Variants in MROH7 observed in about 807,000 individuals in gnomAD.
MROH7 encodes maestro heat like repeat family member 7.
MROH7 carries 113 observed loss-of-function variants against 129.2 expected under a neutral mutation model. The ratio of observed to expected loss-of-function variants is 0.87; its 90% CI spans 0.75 to 1.02. MROH7 has a LOEUF of 1.02. Ranked by LOEUF, MROH7 falls within the 50% of genes least tolerant of loss-of-function variation. MROH7 has a pLI of 0.00. For missense variants in MROH7, 1,601 were observed against 1,671.3 expected, an observed-to-expected ratio of 0.96 and a Z score of 0.73; for synonymous variants, 655 against 667.9, an observed-to-expected ratio of 0.98 and a Z score of 0.30.
intron 1 of MROH7, among the ~76,000 whole-genome samples, chr1:54,646,459 C>G (rs1644469001): frequency 6.6e-6 from 1 of 152,228 alleles, no homozygotes; most frequent in South Asian, 2.1e-4. Context: ...GAAAAGAAAA[C>G]TCCAGGGAAC....
intron 4 of MROH7, among the ~76,000 whole-genome samples, chr1:54,665,452 C>T (rs756707476): frequency 8.5e-5 from 13 of 152,256 alleles, no homozygotes; most frequent in Admixed American, 2.6e-4. Flanking sequence ...TCCTCCATTA[C>T]TCGGGCATTT....
chr1:54,655,317 G>T (rs1478850136), intron 3 of MROH7, among the ~76,000 whole-genome samples: 1 of 151,606 alleles, frequency 6.6e-6, no homozygotes, highest in Non-Finnish European at 1.5e-5. Flanking sequence ...ACCCGACCGA[G>T]AATCCTTTAA....
intron 13 of MROH7, among the ~76,000 whole-genome samples, chr1:54,680,701 C>A (rs147860216): frequency 6.6e-6 from 1 of 152,132 alleles, no homozygotes; most frequent in Admixed American, 6.5e-5. Context: ...AGCCTCCCAC[C>A]CAGGAAATGC....
At position 54,645,695 on chromosome 1, in the gene MROH7, C is replaced by T. The variant is rs148763019; in HGVS notation, c.-110+3727C>T. ...TGAGACAAACTCTCTCCCTGTTGTC[C>T]GGGCTGGAGTGCAACAGCAAAATCT... is the stretch of plus-strand genomic sequence containing the variant. On this transcript the variant is annotated intron_variant, in intron 1 of 23. Transcript: ENST00000421030. Among the ~76,000 whole-genome samples, 222 of 135,558 alleles carry T rather than the reference C, an allele frequency of 1.6e-3. 2 individuals are homozygous for T. The highest frequency in any genetic ancestry group is 9.5e-3 in the Middle Eastern group (2 of 210). The allele number at this position is 135,558 out of a possible 152,430, so 88.9% of individuals were successfully genotyped here.
intron 3 of MROH7, among the ~76,000 whole-genome samples, chr1:54,654,712 T>C (rs1310621417): frequency 6.6e-6 from 1 of 152,174 alleles, no homozygotes; most frequent in Non-Finnish European, 1.5e-5. Flanking sequence ...ACTTCTATTC[T>C]GTCCAAATTA....
At chr1:54,699,164 TTTC>T (rs1557727293) in intron 17 of MROH7, 21 of 103,876 alleles carry the variant, frequency 2.0e-4, no homozygotes, top group African/African-American at 7.4e-4. Flanking sequence ...CTTTCTTTTC[TTTC>T]TTTCTTTCTT....
rs201263652 is a variant in MROH7 at position 54,653,643 on chromosome 1, C to T, written c.717C>T (p.Thr239=). 1.8e-4 allele frequency: 287 copies of T among 1,614,156 alleles called. 1 individual carries two copies. The East Asian group carries it at 6.3e-3, about 35-fold the overall frequency. Residue 239 remains threonine, a synonymous_variant, in exon 3 of 24, where the codon ACC becomes ACT. Coordinates refer to ENST00000421030, the MANE Select transcript of MROH7 (RefSeq NM_001039464.4). ...ATGTAGCTCCAGATTCTCATGGGAC[C>T]CTAATCCCAGACACAAATGAGACCA... The part of the protein sequence containing the change: ...NLNVAPDSHG[T]LIPDTNETIT...
At chr1:54,662,659 T>C (rs959070415) in intron 3 of MROH7, among the ~76,000 whole-genome samples, 1 of 152,110 alleles carries the variant, frequency 6.6e-6, no homozygotes, top group African/African-American at 2.4e-5. Context: ...CAAAAAAGGA[T>C]AAAATATAAC....
At chr1:54,664,012 T>A (rs1359287981) in intron 3 of MROH7, 1 of 313,090 alleles carries the variant, frequency 3.2e-6, no homozygotes, top group Non-Finnish European at 6.2e-6. Context: ...TCCTTTGGTG[T>A]TCCCCTCAAC....
At chr1:54,706,248 A>G (rs1025427311) in intron 21 of MROH7, among the ~76,000 whole-genome samples, 187 bp from the exon 22 acceptor site, 2 of 152,086 alleles carry the variant, frequency 1.3e-5, no homozygotes, top group African/African-American at 2.4e-5. Context: ...AGGCAGGAAC[A>G]TCATCGAAGT....
At chr1:54,661,772 T>G (rs1265583718) in intron 3 of MROH7, among the ~76,000 whole-genome samples, 3 of 152,000 alleles carry the variant, frequency 2.0e-5, no homozygotes, top group Non-Finnish European at 4.4e-5. Context: ...ATTTTTGTAT[T>G]TTTAGTAGAG....
chr1:54,665,590 A>G (rs1644801306), intron 4 of MROH7: 1 of 180,808 alleles, frequency 5.5e-6, no homozygotes, highest in Non-Finnish European at 1.2e-5. Flanking sequence ...CAGAAAGTCT[A>G]GAAGTGGCCT....
intron 19 of MROH7, 120 bp from the exon 20 acceptor site, chr1:54,701,970 T>A (rs919742925): frequency 2.3e-6 from 2 of 869,550 alleles, no homozygotes; most frequent in African/African-American, 3.5e-5. Context: ...GGGGTCTGGC[T>A]GGGAAGAGTC....
chr1:54,692,423 G>T lies in MROH7; in HGVS notation c.2712-1G>T. 1 of 1,614,072 alleles carries T rather than the reference G, an allele frequency of 6.2e-7. No homozygotes were observed. Among genetic ancestry groups the T allele is most frequent in the Non-Finnish European group, 8.5e-7 (1 of 1,179,944 alleles). ...AGGTCTTAATTGCCTTGTCTTGGCA[G>T]CTGGGTGGTGAAAGTGGTGAAAACC... is the stretch of plus-strand genomic sequence containing the variant. On this transcript the variant is annotated splice_acceptor_variant, in intron 15 of 23. Transcript: ENST00000421030. LOFTEE classifies it high-confidence loss of function.
intron 15 of MROH7, among the ~76,000 whole-genome samples, chr1:54,691,882 C>A (rs943758095): frequency 7.0e-6 from 1 of 141,912 alleles, no homozygotes; most frequent in Non-Finnish European, 1.5e-5. Flanking sequence ...TCTCTCCTCC[C>A]CCCCACCCCC....
intron 1 of MROH7, among the ~76,000 whole-genome samples, chr1:54,643,063 A>G (rs1569835082): frequency 6.6e-6 from 1 of 152,110 alleles, no homozygotes; most frequent in East Asian, 1.9e-4. Flanking sequence ...GCCATGTGCT[A>G]TGTGCTGGGA....
At chr1:54,671,441 G>T (rs905665464) in intron 7 of MROH7, among the ~76,000 whole-genome samples, 1 of 152,174 alleles carries the variant, frequency 6.6e-6, no homozygotes, top group Non-Finnish European at 1.5e-5. Flanking sequence ...CCACTTCTGG[G>T]CCCTGCCCTA....
In MROH7 at chr1:54,655,895, T is replaced by A. The variant is rs1001173016; in HGVS notation, c.1231+1738T>A. Among the ~76,000 whole-genome samples the A allele has an allele frequency of 9.3e-5, 5 of 53,622 alleles. No individual in the cohort carries two copies. In the Admixed American group the frequency reaches 1.2e-3, roughly 13 times the overall value. The allele number at this position is 53,622 out of a possible 152,430, so 35.2% of individuals were successfully genotyped here. On this transcript the variant is annotated intron_variant, in intron 3 of 23. Transcript: ENST00000421030. Reference sequence around the variant, plus strand: ...GCTAATCGTAGATACTTTATAGTATTTTTTTTTTTTTTTTTTGAGATGGAG... The same window carrying A: ...GCTAATCGTAGATACTTTATAGTATATTTTTTTTTTTTTTTTGAGATGGAG...
chr1:54,681,792 G>A (rs1017274649), intron 13 of MROH7, among the ~76,000 whole-genome samples: 2 of 152,162 alleles, frequency 1.3e-5, no homozygotes, highest in African/African-American at 4.8e-5. Context: ...CCTAGCCCCA[G>A]GCTGCTCAAC....
Sources: gnomAD v4.1 joint callset for allele counts (sites outside exome capture counted in the v4.1 genomes callset) on GRCh38, gnomAD v4.1.1 for gene constraint, MANE v1.5 for transcripts, NCBI Gene and HGNC (gene_info 2026-07-23, HGNC 2026-07-21) for gene names.